Variants in SMIM35 observed in about 807,000 individuals in gnomAD.
SMIM35 encodes small integral membrane protein 35, also known as TMPRSS4 antisense RNA 1 (non-protein coding).
chr11:118,053,574 A>T (rs1227236399), intron 1 of SMIM35, among the ~76,000 whole-genome samples: 1 of 152,150 alleles, frequency 6.6e-6, no homozygotes, highest in Non-Finnish European at 1.5e-5. Flanking sequence ...CTGCAACCTG[A>T]GCGCCCTCTG....
At chr11:118,045,776 A>G (rs1290681718) in intron 1 of SMIM35, among the ~76,000 whole-genome samples, 1 of 152,212 alleles carries the variant, frequency 6.6e-6, no homozygotes, top group South Asian at 2.1e-4. Flanking sequence ...ACCCAGTATA[A>G]TGAATGAACA....
intron 1 of SMIM35, among the ~76,000 whole-genome samples, chr11:118,048,729 GAAAACAA>G (rs1255659327): frequency 2.0e-5 from 3 of 151,466 alleles, no homozygotes; most frequent in South Asian, 2.1e-4. Flanking sequence ...AAAAACAACA[GAAAACAA>G]AAAACAAAAA....
chr11:118,079,816 T>A (rs993520558), intron 1 of SMIM35, among the ~76,000 whole-genome samples: 1 of 152,202 alleles, frequency 6.6e-6, no homozygotes, highest in African/African-American at 2.4e-5. Context: ...GGGTCCACCC[T>A]GACTGGGGCA....
intron 1 of SMIM35, among the ~76,000 whole-genome samples, chr11:118,028,448 G>GTC (rs59267246): frequency 0.096 from 14,561 of 152,132 alleles, 969 homozygotes; most frequent in East Asian, 0.36. Flanking sequence ...TTCTTTATGT[G>GTC]TCTCTCCCTT....
intron 1 of SMIM35, among the ~76,000 whole-genome samples, chr11:118,048,567 AAG>A (rs1333309353): frequency 5.0e-5 from 4 of 79,892 alleles, no homozygotes; most frequent in Non-Finnish European, 8.9e-5. Context: ...GGAAGGAAGG[AAG>A]GAAGGAAGGA....
intron 2 of SMIM35, 112 bp from the exon 3 acceptor site, chr11:118,014,853 G>T: frequency 2.5e-6 from 1 of 397,280 alleles, no homozygotes; most frequent in Non-Finnish European, 4.4e-6. Context: ...TAGGGTGGCT[G>T]GGCTGGACCT....
At chr11:118,007,365 A>G (rs1188272229) in intron 4 of SMIM35, among the ~76,000 whole-genome samples, 1 of 152,206 alleles carries the variant, frequency 6.6e-6, no homozygotes, top group East Asian at 1.9e-4. Flanking sequence ...CACCAGCTAC[A>G]AGGGGAGGAA....
intron 1 of SMIM35, among the ~76,000 whole-genome samples, chr11:118,021,087 A>G (rs140987940): frequency 6.8e-6 from 1 of 147,740 alleles, no homozygotes; most frequent in Non-Finnish European, 1.5e-5. Context: ...CATGAGTTAT[A>G]GAATTATGGC....
intron 1 of SMIM35, among the ~76,000 whole-genome samples, chr11:118,066,762 C>T (rs757562402): frequency 7.9e-5 from 12 of 151,508 alleles, no homozygotes; most frequent in Non-Finnish European, 1.6e-4. Flanking sequence ...GAGATCAAGA[C>T]TGCAGTGAGT....
intron 1 of SMIM35, among the ~76,000 whole-genome samples, chr11:118,034,869 C>A (rs2058347209): frequency 6.6e-6 from 1 of 152,214 alleles, no homozygotes; most frequent in African/African-American, 2.4e-5. Flanking sequence ...CAGGGAAGCT[C>A]CCCTTGGAAT....
intron 1 of SMIM35, among the ~76,000 whole-genome samples, chr11:118,038,288 T>C (rs916474785): frequency 6.6e-6 from 1 of 152,252 alleles, no homozygotes; most frequent in Non-Finnish European, 1.5e-5. Context: ...TTTTCTTTTG[T>C]GTTTGTTTTC....
chr11:118,051,242 A>C (rs1341936784), intron 1 of SMIM35, among the ~76,000 whole-genome samples: 2 of 152,204 alleles, frequency 1.3e-5, no homozygotes, highest in Non-Finnish European at 2.9e-5. Flanking sequence ...AAAGGCTGAC[A>C]TCCTGAAACA....
At chr11:118,020,323 C>T (rs992014334) in intron 1 of SMIM35, among the ~76,000 whole-genome samples, 18 of 152,082 alleles carry the variant, frequency 1.2e-4, no homozygotes, top group Non-Finnish European at 2.1e-4. Context: ...GTAAAATAAA[C>T]GCTCCACTCT....
intron 1 of SMIM35, among the ~76,000 whole-genome samples, chr11:118,061,157 A>G (rs117131646): frequency 6.6e-6 from 1 of 152,326 alleles, no homozygotes; most frequent in Non-Finnish European, 1.5e-5. Context: ...AGTGGGAGTG[A>G]TTGAGAGGCT....
At chr11:118,072,885 G>C (rs1339203236) in intron 1 of SMIM35, among the ~76,000 whole-genome samples, 1 of 152,150 alleles carries the variant, frequency 6.6e-6, no homozygotes, top group Non-Finnish European at 1.5e-5. Context: ...ATCTCTCTTA[G>C]GCACCAAACA....
At chr11:118,049,325 T>C (rs1357599740) in intron 1 of SMIM35, among the ~76,000 whole-genome samples, 1 of 151,580 alleles carries the variant, frequency 6.6e-6, no homozygotes, top group Non-Finnish European at 1.5e-5. Context: ...TCTCGCATGT[T>C]TGTTCCACCC....
chr11:118,057,155 G>A (rs200365003), intron 1 of SMIM35, among the ~76,000 whole-genome samples: 12 of 152,328 alleles, frequency 7.9e-5, no homozygotes, highest in East Asian at 7.7e-4. Flanking sequence ...CACTGAAGGC[G>A]CAGAAGGAAC....
intron 1 of SMIM35, among the ~76,000 whole-genome samples, chr11:118,063,682 G>A (rs1944426880): frequency 6.6e-6 from 1 of 152,154 alleles, no homozygotes; most frequent in Non-Finnish European, 1.5e-5. Flanking sequence ...AGGGGAGAGG[G>A]GCTGGAGGGT....
At chr11:118,081,680 G>A (rs532064616) in intron 1 of SMIM35, among the ~76,000 whole-genome samples, 40 of 152,344 alleles carry the variant, frequency 2.6e-4, no homozygotes, top group African/African-American at 7.9e-4. Context: ...GGCGTCGCCC[G>A]CTGGTGCGGT....
Sources: gnomAD v4.1 joint callset for allele counts (sites outside exome capture counted in the v4.1 genomes callset) on GRCh38, gnomAD v4.1.1 for gene constraint, MANE v1.5 for transcripts, NCBI Gene and HGNC (gene_info 2026-07-23, HGNC 2026-07-21) for gene names.